Variants in PTPRN2 observed in about 807,000 individuals in gnomAD.
The protein encoded by PTPRN2 is protein tyrosine phosphatase receptor type N2.
PTPRN2 carries 74 observed loss-of-function variants against 118.8 expected under a neutral mutation model. The ratio of observed to expected loss-of-function variants is 0.62; its 90% CI spans 0.52 to 0.76. PTPRN2 has a LOEUF of 0.76. Ranked by LOEUF, PTPRN2 falls within the 30% of genes least tolerant of loss-of-function variation. PTPRN2 has a pLI of 0.00. For synonymous variants in PTPRN2, 641 were observed against 608.0 expected (o/e 1.05, Z -0.80); for missense variants, 1,481 against 1,394.4 (o/e 1.06, Z -0.99).
chr7:158,056,199 G>A lies in PTPRN2; in HGVS notation c.1723+25099C>T, dbSNP rs940301459. On this transcript the variant is annotated intron_variant, in intron 11 of 22. Coordinates refer to ENST00000389418, the MANE Select transcript of PTPRN2 (RefSeq NM_002847.5). ...CAGGTCCTGCTAATCTCGCCTGAAA[G>A]GTCACCTCTGCCAAGGAGTGTTACC... Among the ~76,000 whole-genome samples the A allele has an allele frequency of 4.6e-5, 7 of 152,304 alleles. No individual in the cohort carries two copies. In the East Asian group the frequency reaches 5.8e-4, roughly 13 times the overall value.
intron 11 of PTPRN2, among the ~76,000 whole-genome samples, chr7:158,071,597 C>CGTGATGATGGAGGTG (rs1563392281): frequency 1.7e-4 from 4 of 22,990 alleles, no homozygotes; most frequent in African/African-American, 6.2e-4. Context: ...TGGAGGTGCT[C>CGTGATGATGGAGGTG]CTGGTGGAGG....
At chr7:158,462,501 G>A (rs1056872636) in intron 2 of PTPRN2, among the ~76,000 whole-genome samples, 1 of 152,166 alleles carries the variant, frequency 6.6e-6, no homozygotes, top group African/African-American at 2.4e-5. Flanking sequence ...GAAAATTAAG[G>A]GGTGCCTGGT....
At chr7:157,712,267 C>T (rs1480712655) in intron 12 of PTPRN2, among the ~76,000 whole-genome samples, 1 of 152,170 alleles carries the variant, frequency 6.6e-6, no homozygotes, top group Non-Finnish European at 1.5e-5. Flanking sequence ...TAAAATTTCT[C>T]AATTTTGAAA....
intron 3 of PTPRN2, among the ~76,000 whole-genome samples, chr7:158,239,336 G>A (rs185727394): frequency 1.8e-4 from 27 of 152,308 alleles, no homozygotes; most frequent in African/African-American, 4.6e-4. Flanking sequence ...CTCAGACCAC[G>A]TTCAAGTTGC....
intron 11 of PTPRN2, among the ~76,000 whole-genome samples, chr7:158,070,264 T>G (rs1811099465): frequency 7.0e-6 from 1 of 143,666 alleles, no homozygotes; most frequent in African/African-American, 3.0e-5. Flanking sequence ...CTCATGGTGA[T>G]GGAGGTGCTC....
At chr7:158,340,508 C>A (rs1357109040) in intron 2 of PTPRN2, among the ~76,000 whole-genome samples, 1 of 126,492 alleles carries the variant, frequency 7.9e-6, no homozygotes, top group Non-Finnish European at 1.7e-5. Context: ...GCAGACGTCA[C>A]TCACACCCAC....
intron 3 of PTPRN2, among the ~76,000 whole-genome samples, chr7:158,226,706 G>T (rs545194893): frequency 6.9e-6 from 1 of 145,146 alleles, no homozygotes; most frequent in Non-Finnish European, 1.5e-5. Context: ...TGGTATCCAA[G>T]AGTAAGATAT....
At chr7:158,268,409 A>T (rs1226064204) in intron 3 of PTPRN2, among the ~76,000 whole-genome samples, 1 of 82,890 alleles carries the variant, frequency 1.2e-5, no homozygotes, top group Non-Finnish European at 2.4e-5. Flanking sequence ...ACACAGGGCG[A>T]GTGTGTAATA....
chr7:158,305,801 A>AAAAAAAAG (rs1554447989), intron 3 of PTPRN2, among the ~76,000 whole-genome samples: 12 of 152,134 alleles, frequency 7.9e-5, no homozygotes, highest in African/African-American at 2.6e-4. Flanking sequence ...TCAAAAAAAA[A>AAAAAAAAG]AAAAAAGAAA....
intron 20 of PTPRN2, among the ~76,000 whole-genome samples, chr7:157,570,061 GA>G (rs1430882086): frequency 6.6e-6 from 1 of 152,206 alleles, no homozygotes; most frequent in African/African-American, 2.4e-5. Flanking sequence ...ACAAATGGTT[GA>G]AAAAAGCTGC....
intron 2 of PTPRN2, among the ~76,000 whole-genome samples, chr7:158,331,727 A>G (rs1243921971): frequency 2.0e-5 from 3 of 150,844 alleles, no homozygotes; most frequent in African/African-American, 7.5e-5. Flanking sequence ...TCTCACCATA[A>G]GAGCTGACAC....
At chr7:158,401,108 T>TG (rs953928687) in intron 2 of PTPRN2, among the ~76,000 whole-genome samples, 126 of 152,206 alleles carry the variant, frequency 8.3e-4, no homozygotes, top group African/African-American at 2.9e-3. Context: ...AAGAGGGACG[T>TG]GGGGCCTGAT....
At chr7:157,798,774 C>A (rs533963734) in intron 12 of PTPRN2, among the ~76,000 whole-genome samples, 44 of 149,402 alleles carry the variant, frequency 2.9e-4, no homozygotes, top group African/African-American at 1.0e-3. Flanking sequence ...GATGGCTCTA[C>A]ACATTGAACC....
chr7:157,870,945 T>C (rs964219002), intron 12 of PTPRN2, among the ~76,000 whole-genome samples: 3 of 152,242 alleles, frequency 2.0e-5, no homozygotes, highest in African/African-American at 7.2e-5. Flanking sequence ...TTTGGGTTTA[T>C]TGGGCGTTCG....
intron 11 of PTPRN2, among the ~76,000 whole-genome samples, chr7:157,965,559 A>T (rs1801865442): frequency 2.0e-5 from 3 of 152,184 alleles, no homozygotes. Context: ...CCACTCAAAC[A>T]TCACCACAGG....
Position 158,341,828 on chromosome 7 carries a change from C to T in PTPRN2, c.164-24896G>A, listed in dbSNP as rs1213933993. Among the ~76,000 whole-genome samples the T allele has an allele frequency of 7.5e-4, 90 of 120,210 alleles. 11 individuals are homozygous for T. The highest frequency in any genetic ancestry group is 3.0e-3 in the African/African-American group (83 of 27,620). 78.9% of individuals were successfully genotyped at this position (120,210 alleles called of 152,430 possible). A position where few individuals can be genotyped will look rare whatever the true frequency, so the allele number is the denominator to read the frequency against. The stretch of plus-strand genomic sequence containing the variant: ...CACCGTAAGAGGTGACACCAGCAGA[C>T]GTCACTCACACCCACACTCTCACCA... On this transcript the variant is annotated intron_variant, in intron 2 of 22. Transcript: ENST00000389418.
Position 158,133,940 on chromosome 7 carries a change from A to G in PTPRN2, c.1293T>C (p.Pro431=). The part of the protein sequence containing the change: ...LDMERKKSEH[P]ESSLSSEEET... ...CCTCTTCTGAAGACAGGGAAGACTC[A>G]GGGTGCTCGGACTTCTTCCTCTCCA... Residue 431 remains proline, a synonymous_variant, in exon 9 of 23, where the codon CCT becomes CCC. Transcript: ENST00000389418. The G allele has an allele frequency of 6.2e-7, 1 of 1,614,020 alleles. No individual in the cohort carries two copies. Among genetic ancestry groups the G allele is most frequent in the African/African-American group, 1.3e-5 (1 of 75,054 alleles).
chr7:157,547,406 T>G (rs1404829210), intron 22 of PTPRN2, among the ~76,000 whole-genome samples: 1 of 152,130 alleles, frequency 6.6e-6, no homozygotes, highest in Non-Finnish European at 1.5e-5. Flanking sequence ...CTTCCAAGGT[T>G]GGACCCTTCC....
At chr7:158,247,499 G>T (rs540694685) in intron 3 of PTPRN2, among the ~76,000 whole-genome samples, 7 of 152,324 alleles carry the variant, frequency 4.6e-5, no homozygotes, top group African/African-American at 1.7e-4. Context: ...TCCACGGCTC[G>T]TGGGCAGCTG....
Sources: allele counts gnomAD v4.1 joint callset (sites outside exome capture counted in the v4.1 genomes callset), GRCh38; gene constraint gnomAD v4.1.1; transcripts MANE v1.5; gene names NCBI Gene and HGNC (gene_info 2026-07-23, HGNC 2026-07-21).